The following FLRT2 variants were observed in gnomAD, a reference collection of about 807,000 sequenced individuals.
FLRT2 encodes the protein fibronectin leucine rich transmembrane protein 2, also known as leucine-rich repeat transmembrane protein FLRT2.
FLRT2 carries 15 observed loss-of-function variants against 40.0 expected under a neutral mutation model. That is an observed-to-expected ratio of 0.38 (90% confidence interval 0.25 to 0.58). FLRT2 has a LOEUF of 0.58. Ranked by LOEUF, FLRT2 falls within the 20% of genes least tolerant of loss-of-function variation. The probability of loss-of-function intolerance (pLI) is 0.71; values close to 1 mark genes in which losing one functional copy is unlikely to be tolerated. For synonymous variants in FLRT2, 380 were observed against 336.8 expected (o/e 1.13, Z -1.41); for missense variants, 726 against 840.0 (o/e 0.86, Z 1.68).
intron 1 of FLRT2, among the ~76,000 whole-genome samples, chr14:85,579,621 G>A (rs1891296524): frequency 6.6e-6 from 1 of 152,090 alleles, no homozygotes; most frequent in South Asian, 2.1e-4. Flanking sequence ...TCTATAAAAT[G>A]GAAATAAAAT....
Position 85,622,030 on chromosome 14 carries a change from C to T in FLRT2, c.516C>T (p.Ser172=). 2 of 1,613,178 alleles carry T rather than the reference C, an allele frequency of 1.2e-6. No individual in the cohort carries two copies. Among genetic ancestry groups the T allele is most frequent in the Non-Finnish European group, 1.7e-6 (2 of 1,179,562 alleles). The change falls in exon 2 of 2, where the codon AGC becomes AGT. Residue 172 remains serine, a synonymous_variant. Transcript: ENST00000330753. The part of the protein sequence containing the change: ...KLLFLSKNHL[S]SVPVGLPVDL... The stretch of plus-strand genomic sequence containing the variant: ...TGTTTTTGTCTAAGAATCACCTGAG[C>T]AGTGTGCCTGTTGGGCTTCCTGTGG...
rs1381820037 is a variant in FLRT2 at position 85,631,111 on chromosome 14, T to TC, written c.*7614_*7615insC. The TC allele has an allele frequency of 1.4e-4, 16 of 112,060 alleles. No homozygotes were observed. The highest frequency in any genetic ancestry group is 1.9e-4 in the Non-Finnish European group (11 of 56,772). The allele number at this position is 112,060 out of a possible 1,614,324, so 6.9% of individuals were successfully genotyped here. On this transcript the variant is annotated 3_prime_UTR_variant, in exon 2 of 2. Transcript: ENST00000330753. ...ATATAATTACATATATAATCTAGAT[T>TC]TTATATATATATATATATGAAATGA...
At chr14:85,552,205 T>C (rs1355068147) in intron 1 of FLRT2, among the ~76,000 whole-genome samples, 4 of 152,214 alleles carry the variant, frequency 2.6e-5, no homozygotes, top group African/African-American at 9.6e-5. Context: ...TCTCAGAATC[T>C]AGGGAGCTTG....
At position 85,622,255 on chromosome 14, in the gene FLRT2, C is replaced by G. The variant is rs143247709; in HGVS notation, c.741C>G (p.Pro247=). 1.2e-5 allele frequency: 20 copies of G among 1,613,956 alleles called. No homozygotes were observed. Among genetic ancestry groups the G allele is most frequent in the South Asian group, 1.1e-4 (10 of 91,082 alleles). ...GTAATTCGCTGTCCCACCCTCCTCC[C>G]GATCTCCCAGGTACGCATCTGATCA... ...IVRNSLSHPP[P]DLPGTHLIRL... The change falls in exon 2 of 2, where the codon CCC becomes CCG. Residue 247 remains proline, a synonymous_variant. Transcript: ENST00000330753.
rs1329134547 is a variant in FLRT2, at chr14:85,637,058, C to T, written c.*13561C>T. 2.0e-5 allele frequency: 3 copies of T among 150,904 alleles called. No individual in the cohort carries two copies. The highest frequency in any genetic ancestry group is 4.4e-5 in the Non-Finnish European group (3 of 67,848). The allele number at this position is 150,904 out of a possible 1,614,324, so 9.3% of individuals were successfully genotyped here. A position where few individuals can be genotyped will look rare whatever the true frequency, so the allele number is the denominator to read the frequency against. ...GGCAAGTAAATACTGGTGTGACATA[C>T]ATTTTTAGGGAAAAACTAGCAACAT... On this transcript the variant is annotated 3_prime_UTR_variant, in exon 2 of 2. Transcript: ENST00000330753.
At position 85,645,080 on chromosome 14, in the gene FLRT2, T is replaced by A. The variant is rs1233187088; in HGVS notation, c.*21583T>A. ...TAGTAATGCAACTGAACTGTAATCA[T>A]GAGTTTTGATCAACCAACCATAAAG... On this transcript the variant is annotated 3_prime_UTR_variant, in exon 2 of 2. Coordinates refer to ENST00000330753, the MANE Select transcript of FLRT2 (RefSeq NM_013231.6). 1 of 152,056 alleles carries A rather than the reference T, an allele frequency of 6.6e-6. No homozygotes were observed. Among genetic ancestry groups the A allele is most frequent in the African/African-American group, 2.4e-5 (1 of 41,388 alleles). The allele number at this position is 152,056 out of a possible 1,614,324, so 9.4% of individuals were successfully genotyped here.
In FLRT2 at chr14:85,641,333, A is replaced by G. The variant is rs190064855; in HGVS notation, c.*17836A>G. On this transcript the variant is annotated 3_prime_UTR_variant, in exon 2 of 2. Transcript: ENST00000330753. ...ACTCCATTATGTTTGGATTCTATGTATAAATTAGGTTCTACCAATTACAGG... is the reference window on the plus strand; with the variant it reads ...ACTCCATTATGTTTGGATTCTATGTGTAAATTAGGTTCTACCAATTACAGG... 2.8e-4 allele frequency: 42 copies of G among 152,336 alleles called. 1 individual carries two copies. The highest frequency in any genetic ancestry group is 2.5e-3 in the Admixed American group (38 of 15,300). The allele number at this position is 152,336 out of a possible 1,614,324, so 9.4% of individuals were successfully genotyped here.
At chr14:85,594,553 C>T (rs1025489303) in intron 1 of FLRT2, among the ~76,000 whole-genome samples, 3 of 152,188 alleles carry the variant, frequency 2.0e-5, no homozygotes, top group Non-Finnish European at 2.9e-5. Flanking sequence ...AGTAGGTGCT[C>T]AATAAACAGT....
rs936913569 is a variant in FLRT2, at chr14:85,653,276, A to G, written c.*29779A>G. 3.3e-5 allele frequency: 5 copies of G among 152,136 alleles called. No individual in the cohort carries two copies. Among genetic ancestry groups the G allele is most frequent in the African/African-American group, 1.2e-4 (5 of 41,442 alleles). The allele number at this position is 152,136 out of a possible 1,614,324, so 9.4% of individuals were successfully genotyped here. ...CCACAAAATAGCTTTGCTAGGGAAC[A>G]GATGTAACTTGGAGAAGTACCAATT... is the stretch of plus-strand genomic sequence containing the variant. On this transcript the variant is annotated 3_prime_UTR_variant, in exon 2 of 2. Coordinates refer to ENST00000330753, the MANE Select transcript of FLRT2 (RefSeq NM_013231.6).
In FLRT2 at chr14:85,592,428, C is replaced by T. The variant is rs143650665; in HGVS notation, c.-376-28711C>T. Among the ~76,000 whole-genome samples the T allele has an allele frequency of 6.8e-3, 1,037 of 152,044 alleles. 9 individuals carry two copies. Among genetic ancestry groups the T allele is most frequent in the South Asian group, 0.039 (189 of 4,800 alleles). On this transcript the variant is annotated intron_variant, in intron 1 of 1. Transcript: ENST00000330753. Reference sequence around the variant, plus strand: ...ACCATCCTGTTTGGTGGTAAATATACGTCAACTCTAAGAACAAATGGGGTC... The same window carrying T: ...ACCATCCTGTTTGGTGGTAAATATATGTCAACTCTAAGAACAAATGGGGTC...
At chr14:85,606,863 A>G (rs1892642952) in intron 1 of FLRT2, among the ~76,000 whole-genome samples, 1 of 150,770 alleles carries the variant, frequency 6.6e-6, no homozygotes, top group Admixed American at 6.6e-5. Context: ...AGTCTATGAT[A>G]GTGTCTCTCA....
chr14:85,555,628 T>G (rs1889900241), intron 1 of FLRT2, among the ~76,000 whole-genome samples: 1 of 152,210 alleles, frequency 6.6e-6, no homozygotes, highest in Non-Finnish European at 1.5e-5. Context: ...AAGATGAGGT[T>G]TGGGTGGGCA....
chr14:85,639,886 T>C lies in FLRT2; in HGVS notation c.*16389T>C, dbSNP rs913489260. 2.1e-5 allele frequency: 3 copies of C among 143,718 alleles called. No individual in the cohort carries two copies. Among genetic ancestry groups the C allele is most frequent in the Non-Finnish European group, 4.5e-5 (3 of 66,366 alleles). 8.9% of individuals were successfully genotyped at this position (143,718 alleles called of 1,614,324 possible). On this transcript the variant is annotated 3_prime_UTR_variant, in exon 2 of 2. Transcript: ENST00000330753. ...TTTTTTGAGACAGTGTCTCGCTCTG[T>C]CCCCCAGGCCAGAGTGCAGCGGCGT... is the stretch of plus-strand genomic sequence containing the variant.
intron 1 of FLRT2, among the ~76,000 whole-genome samples, chr14:85,549,150 G>A (rs1361501573): frequency 1.3e-5 from 2 of 152,112 alleles, no homozygotes; most frequent in African/African-American, 4.8e-5. Context: ...ATTCATTTGT[G>A]TGACCTGATT....
intron 1 of FLRT2, among the ~76,000 whole-genome samples, chr14:85,602,497 C>G (rs1043219693): frequency 1.3e-5 from 2 of 152,194 alleles, no homozygotes; most frequent in African/African-American, 4.8e-5. Context: ...ACGTTATGTG[C>G]TCTCTTTGTC....
At chr14:85,615,798 G>C (rs992715862) in intron 1 of FLRT2, among the ~76,000 whole-genome samples, 1 of 152,234 alleles carries the variant, frequency 6.6e-6, no homozygotes, top group Admixed American at 6.5e-5. Flanking sequence ...TTCAGCCAGT[G>C]CTGAAACCAT....
Position 85,553,201 on chromosome 14 carries a change from A to G in FLRT2, c.-377+22667A>G, listed in dbSNP as rs190843129. ...CTTCTTTGTAGCCTTCAGAAAGAGCAAATAATTTAGTGTTGTGCAGCATTA... is the reference window on the plus strand; with the variant it reads ...CTTCTTTGTAGCCTTCAGAAAGAGCGAATAATTTAGTGTTGTGCAGCATTA... On this transcript the variant is annotated intron_variant, in intron 1 of 1. Coordinates refer to ENST00000330753, the MANE Select transcript of FLRT2 (RefSeq NM_013231.6). 2.9e-4 allele frequency among the ~76,000 whole-genome samples: 44 copies of G among 152,330 alleles called. No homozygotes were observed. In the East Asian group the frequency reaches 7.5e-3, roughly 26 times the overall value.
chr14:85,629,873 T>G lies in FLRT2; in HGVS notation c.*6376T>G, dbSNP rs778665999. Reference sequence around the variant, plus strand: ...ATCCATTCCTATTTTTTATAAAAATTCTTTTTGTGATTATTTGATGGCTGC... The same window carrying G: ...ATCCATTCCTATTTTTTATAAAAATGCTTTTTGTGATTATTTGATGGCTGC... On this transcript the variant is annotated 3_prime_UTR_variant, in exon 2 of 2. Coordinates refer to ENST00000330753, the MANE Select transcript of FLRT2 (RefSeq NM_013231.6). The G allele has an allele frequency of 1.3e-5, 2 of 152,170 alleles. No homozygotes were observed. The highest frequency in any genetic ancestry group is 2.9e-5 in the Non-Finnish European group (2 of 68,018). The allele number at this position is 152,170 out of a possible 1,614,324, so 9.4% of individuals were successfully genotyped here.
In FLRT2 at chr14:85,643,293, TTCTTTCTTTC is replaced by T. The variant is rs1177085891; in HGVS notation, c.*19798_*19807del. 1.2e-4 allele frequency: 11 copies of T among 88,200 alleles called. No homozygotes were observed. The highest frequency in any genetic ancestry group is 4.8e-4 in the African/African-American group (8 of 16,544). 5.5% of individuals were successfully genotyped at this position (88,200 alleles called of 1,614,324 possible). ...AGAGTTCAGAGGGTATTTCTTTTTT[TTCTTTCTTTC>T]TTTCTTTCTTTCTTTCTTTCTTTCT... On this transcript the variant is annotated 3_prime_UTR_variant, in exon 2 of 2. Coordinates refer to ENST00000330753, the MANE Select transcript of FLRT2 (RefSeq NM_013231.6).
Sources: allele counts gnomAD v4.1 joint callset (sites outside exome capture counted in the v4.1 genomes callset), GRCh38; gene constraint gnomAD v4.1.1; transcripts MANE v1.5; gene names NCBI Gene and HGNC (gene_info 2026-07-23, HGNC 2026-07-21).